The following MINK1 variants were observed in gnomAD, a reference collection of about 807,000 sequenced individuals.
MINK1 encodes the protein misshapen like kinase 1, also known as misshapen-like kinase 1.
MINK1 carries 46 observed loss-of-function variants against 178.4 expected under a neutral mutation model. That is an observed-to-expected ratio of 0.26 (90% CI 0.20 to 0.33). The LOEUF is 0.33. Among genes scored for constraint, MINK1 ranks in the 10% least tolerant of loss-of-function variants. MINK1 has a pLI of 1.00. For synonymous variants in MINK1, 797 were observed against 709.7 expected (o/e 1.12, Z -1.96); for missense variants, 1,366 against 1,814.9 (o/e 0.75, Z 4.49).
At chr17:4,845,537 G>A (rs1910884006) in intron 1 of MINK1, among the ~76,000 whole-genome samples, 1 of 152,074 alleles carries the variant, frequency 6.6e-6, no homozygotes, top group Non-Finnish European at 1.5e-5. Context: ...CAACCCTCCT[G>A]GACCTCCAGG....
At chr17:4,892,563 C>T (rs2151054278) in intron 18 of MINK1, 51 bp downstream of exon 18, 2 of 1,541,216 alleles carry the variant, frequency 1.3e-6, no homozygotes, top group East Asian at 2.3e-5. Flanking sequence ...CTGCCACCCG[C>T]TTCCCTGGTG....
chr17:4,840,078 C>T (rs1406903911), intron 1 of MINK1, among the ~76,000 whole-genome samples: 1 of 151,790 alleles, frequency 6.6e-6, no homozygotes, highest in African/African-American at 2.4e-5. Flanking sequence ...CTCAGGATCT[C>T]CTGAGGGCTG....
Position 4,894,379 on chromosome 17 carries a change from T to G in MINK1, c.2808+68T>G. On this transcript the variant is annotated intron_variant, in intron 23 of 31. Coordinates refer to ENST00000355280, the MANE Select transcript of MINK1 (RefSeq NM_153827.5). This position sits in a 1 kb window ranked among gnomAD's most constrained non-coding sequence, Gnocchi z 4.1. ...GGCGATGGGCAGGAGGTCCCGGTGC[T>G]GGGTAACGGCAGAGGATGGGGCGGA... 1.3e-6 allele frequency: 2 copies of G among 1,568,118 alleles called. No individual in the cohort carries two copies. The highest frequency in any genetic ancestry group is 8.6e-7 in the Non-Finnish European group (1 of 1,157,320).
chr17:4,893,068 G>A lies in MINK1; in HGVS notation c.2400+1G>A. 1 of 1,559,724 alleles carries A rather than the reference G, an allele frequency of 6.4e-7. No homozygotes were observed. The highest frequency in any genetic ancestry group is 2.4e-5 in the East Asian group (1 of 41,172). On this transcript the variant is annotated splice_donor_variant, in intron 20 of 31. Coordinates refer to ENST00000355280, the MANE Select transcript of MINK1 (RefSeq NM_153827.5). LOFTEE classifies it high-confidence loss of function. ...CCGCTCACGGCCAGGCCGGCCCGCA[G>A]TGAGTCACCTGGTGGCAGGCATGGC... is the stretch of plus-strand genomic sequence containing the variant.
Position 4,894,534 on chromosome 17 carries a change from C to T in MINK1, c.2818C>T (p.Arg940Cys), listed in dbSNP as rs796373760. 35 of 1,600,200 alleles carry T rather than the reference C, an allele frequency of 2.2e-5. No homozygotes were observed. The highest frequency in any genetic ancestry group is 9.0e-5 in the East Asian group (4 of 44,338). Residue 940 changes from arginine to cysteine, a missense_variant, in exon 24 of 32, where the codon CGT becomes TGT. Transcript: ENST00000355280. The surrounding 1 kb of genome is among the most constrained non-coding windows in gnomAD (Gnocchi z 4.1). ...SKDGSGDYQS[R>C]GLVKAPGKSS... The stretch of plus-strand genomic sequence containing the variant: ...TGTCCCCCTACCACAGTACCAGTCT[C>T]GTGGGCTGGTAAAGGCCCCTGGCAA...
At chr17:4,855,663 G>T (rs1480762948) in intron 1 of MINK1, among the ~76,000 whole-genome samples, 1 of 143,176 alleles carries the variant, frequency 7.0e-6, no homozygotes, top group African/African-American at 2.6e-5. Flanking sequence ...CCAGCTACTC[G>T]GGAGGCTGAG....
Position 4,896,470 on chromosome 17 carries a change from C to T in MINK1, c.3657C>T (p.Pro1219=), listed in dbSNP as rs773213158. 8 of 1,613,868 alleles carry T rather than the reference C, an allele frequency of 5.0e-6. No individual in the cohort carries two copies. The highest frequency in any genetic ancestry group is 6.8e-6 in the Non-Finnish European group (8 of 1,179,888). Residue 1219 remains proline (P), a synonymous_variant, in exon 30 of 32, where the codon CCC becomes CCT. Coordinates refer to ENST00000355280, the MANE Select transcript of MINK1 (RefSeq NM_153827.5). The surrounding 1 kb of genome is among the most constrained non-coding windows in gnomAD (Gnocchi z 4.6). ...CGCCCCATGCCATCATCTTCCTCCC[C>T]AACACCGACGGCATGGAGATGCTGC... ...QITPHAIIFL[P]NTDGMEMLLC...
rs773238882 is a variant in MINK1 at position 4,885,981 on chromosome 17, GC to G, written c.694+18del. 1.3e-5 allele frequency: 21 copies of G among 1,613,634 alleles called. No individual in the cohort carries two copies. The South Asian group carries it at 2.3e-4, about 18-fold the overall frequency. On this transcript the variant is annotated intron_variant, in intron 8 of 31. Transcript: ENST00000355280. The surrounding 1 kb of genome is among the most constrained non-coding windows in gnomAD (Gnocchi z 5.0). ...GGAGCCCCCCGTAAGTTCTGAGTCT[GC>G]CGGGAGTGGGAGGGGAGGGAAAGGA...
Position 4,893,561 on chromosome 17 carries a change from G to A in MINK1, c.2528G>A (p.Gly843Glu), listed in dbSNP as rs1319634301. Residue 843 changes from glycine to glutamate, a missense_variant, in exon 21 of 32, where the codon GGG (glycine) becomes GAG (glutamate). By Grantham distance (98) the Gly-to-Glu change is moderately conservative. This residue lies in a region of MINK1 where 709 missense variants were observed against 692.3 expected (regional missense o/e 1.02). Transcript: ENST00000355280. ...GACGACGAGGAGGAAGGCGAAGGCG[G>A]GCCAGCAGAGGGGAGCAGAGATACC... is the stretch of plus-strand genomic sequence containing the variant. The part of the protein sequence containing the change: ...SEDDEEEGEG[G>E]PAEGSRDTPG... The A allele has an allele frequency of 1.1e-5, 17 of 1,579,640 alleles. No homozygotes were observed. Among genetic ancestry groups the A allele is most frequent in the Non-Finnish European group, 1.5e-5 (17 of 1,158,042 alleles).
rs886643619 is a variant in MINK1 at position 4,896,687 on chromosome 17, C to T, written c.3789C>T (p.Ser1263=). 1.9e-6 allele frequency: 3 copies of T among 1,601,312 alleles called. No individual in the cohort carries two copies. The highest frequency in any genetic ancestry group is 2.2e-5 in the South Asian group (2 of 89,384). ...TGTTCCCCACAGCCTACATCTGCTC[C>T]AACCAGATAATGGGCTGGGGTGAGA... ...EMPTSVAYIC[S]NQIMGWGEKA... Residue 1263 remains serine (S), a synonymous_variant, in exon 31 of 32, where the codon TCC becomes TCT. Coordinates refer to ENST00000355280, the MANE Select transcript of MINK1 (RefSeq NM_153827.5). The surrounding 1 kb of genome is among the most constrained non-coding windows in gnomAD (Gnocchi z 4.6).
Position 4,885,116 on chromosome 17 carries a change from T to TCCC in MINK1, c.508+115_508+116insCCC. 1.1e-6 allele frequency: 1 copy of TCCC among 943,554 alleles called. No individual in the cohort carries two copies. The highest frequency in any genetic ancestry group is 1.6e-6 in the Non-Finnish European group (1 of 612,994). 58.4% of individuals were successfully genotyped at this position (943,554 alleles called of 1,614,324 possible). ...CCAACTCCCTTCCTACTGGGGAGGCTCACTCCCTCCCCTTTCCCCTCTCCC... is the reference window on the plus strand; with the variant it reads ...CCAACTCCCTTCCTACTGGGGAGGCTCCCCACTCCCTCCCCTTTCCCCTCTCCC... On this transcript the variant is annotated intron_variant, in intron 6 of 31. Coordinates refer to ENST00000355280, the MANE Select transcript of MINK1 (RefSeq NM_153827.5). This position sits in a 1 kb window ranked among gnomAD's most constrained non-coding sequence, Gnocchi z 5.0.
intron 1 of MINK1, among the ~76,000 whole-genome samples, chr17:4,843,072 G>A (rs1470857793): frequency 1.3e-5 from 2 of 152,170 alleles, no homozygotes; most frequent in African/African-American, 4.8e-5. Context: ...CTAAGGTTTG[G>A]AGGAGGTGGA....
rs768331988 is a variant in MINK1, at chr17:4,894,441, A to C, written c.2809-84A>C. On this transcript the variant is annotated intron_variant, in intron 23 of 31. Coordinates refer to ENST00000355280, the MANE Select transcript of MINK1 (RefSeq NM_153827.5). The surrounding 1 kb of genome is among the most constrained non-coding windows in gnomAD (Gnocchi z 4.1). ...TGGACAGCGGGGGTGCCAGTTGGGG[A>C]GCTGGAGCCTGGGGAACAGCAGCAG... 1.5e-4 allele frequency: 221 copies of C among 1,519,424 alleles called. No homozygotes were observed. Among genetic ancestry groups the C allele is most frequent in the Non-Finnish European group, 1.9e-4 (214 of 1,118,872 alleles). The allele number at this position is 1,519,424 out of a possible 1,614,324, so 94.1% of individuals were successfully genotyped here.
At chr17:4,871,856 G>A (rs992426817) in intron 1 of MINK1, among the ~76,000 whole-genome samples, 2 of 152,112 alleles carry the variant, frequency 1.3e-5, no homozygotes, top group African/African-American at 2.4e-5. Flanking sequence ...TCCTTTTCTA[G>A]ATGGGGTAGG....
chr17:4,851,008 T>C (rs1402366185), intron 1 of MINK1: 1 of 458,928 alleles, frequency 2.2e-6, no homozygotes, highest in Non-Finnish European at 4.4e-6. Context: ...TCAGCCTGCC[T>C]CCGAGGCCAC....
In MINK1 at chr17:4,833,725, C is replaced by G; in HGVS notation, c.57+85C>G. On this transcript the variant is annotated intron_variant, in intron 1 of 31. Transcript: ENST00000355280. The surrounding 1 kb of genome is among the most constrained non-coding windows in gnomAD (Gnocchi z 4.8). ...GGGGTGGCTGCACGCCTCACGTGCTCCCGGGCGCCCCCTCCACCAGCTTGG... is the reference window on the plus strand; with the variant it reads ...GGGGTGGCTGCACGCCTCACGTGCTGCCGGGCGCCCCCTCCACCAGCTTGG... 1 of 1,149,472 alleles carries G rather than the reference C, an allele frequency of 8.7e-7. No individual in the cohort carries two copies. Among genetic ancestry groups the G allele is most frequent in the Non-Finnish European group, 1.2e-6 (1 of 859,314 alleles). 71.2% of individuals were successfully genotyped at this position (1,149,472 alleles called of 1,614,324 possible). A position where few individuals can be genotyped will look rare whatever the true frequency, so the allele number is the denominator to read the frequency against.
intron 1 of MINK1, 118 bp from the exon 2 acceptor site, chr17:4,878,199 C>T: frequency 1.2e-6 from 1 of 824,168 alleles, no homozygotes; most frequent in Middle Eastern, 2.3e-4. Context: ...TGCCACGTGC[C>T]CTCCTGATAT....
chr17:4,861,336 A>G (rs1914136313), intron 1 of MINK1, among the ~76,000 whole-genome samples: 1 of 152,144 alleles, frequency 6.6e-6, no homozygotes, highest in South Asian at 2.1e-4. Flanking sequence ...GAGCAAAGCA[A>G]TATGTACAAT....
intron 1 of MINK1, chr17:4,859,329 G>A (rs1375590125): frequency 1.0e-6 from 1 of 984,708 alleles, no homozygotes; most frequent in Non-Finnish European, 1.2e-6. Flanking sequence ...CAGCAGAAAA[G>A]TGAGGATACC....
Sources: allele counts gnomAD v4.1 joint callset (sites outside exome capture counted in the v4.1 genomes callset), GRCh38; gene constraint gnomAD v4.1.1; regional missense constraint gnomAD v4.1.1; non-coding constraint Gnocchi (gnomAD v3.1); transcripts MANE v1.5; gene names NCBI Gene and HGNC (gene_info 2026-07-23, HGNC 2026-07-21).